The following SIL1 variants were observed in gnomAD, a reference collection of about 807,000 sequenced individuals.
The protein encoded by SIL1 is nucleotide exchange factor SIL1.
In SIL1, 40 loss-of-function variants were observed where a neutral mutation model predicts 49.1. That is an observed-to-expected ratio of 0.81 (90% CI 0.63 to 1.06). The LOEUF (loss-of-function observed/expected upper bound fraction) is 1.06. Among genes scored for constraint, SIL1 ranks in the 50% least tolerant of loss-of-function variants. The pLI, the probability that SIL1 is intolerant of heterozygous loss-of-function variation, is 0.00. For missense variants in SIL1, 500 were observed against 572.6 expected, an observed-to-expected ratio of 0.87 and a Z score of 1.29; for synonymous variants, 253 against 250.8, an observed-to-expected ratio of 1.01 and a Z score of -0.08.
At chr5:138,990,399 G>A (rs1561817791) in intron 7 of SIL1, among the ~76,000 whole-genome samples, 1 of 152,140 alleles carries the variant, frequency 6.6e-6, no homozygotes, top group Non-Finnish European at 1.5e-5. Flanking sequence ...AACCTGGGGA[G>A]GACTGCTGGG....
chr5:139,048,603 CA>C (rs1405357398), intron 4 of SIL1, among the ~76,000 whole-genome samples: 7 of 152,050 alleles, frequency 4.6e-5, no homozygotes, highest in Non-Finnish European at 8.8e-5. Context: ...ATCCTAGGCT[CA>C]AACGATCCAC....
rs1340534524 is a variant in SIL1 at position 139,026,876 on chromosome 5, G to A, written c.570C>T (p.Asn190=). The A allele has an allele frequency of 6.2e-7, 1 of 1,614,212 alleles. No homozygotes were observed. The highest frequency in any genetic ancestry group is 1.7e-5 in the Admixed American group (1 of 60,024). The part of the protein sequence containing the change: ...TDMQIMVRLI[N]KFNSSSSSLE... Reference sequence around the variant, plus strand: ...AACTGGAGCTGGAACTATTGAACTTGTTGATCAGCCGTACCATGATCTGCA... The same window carrying A: ...AACTGGAGCTGGAACTATTGAACTTATTGATCAGCCGTACCATGATCTGCA... The change falls in exon 6 of 10, where the codon AAC becomes AAT. Residue 190 remains asparagine, a synonymous_variant. Coordinates refer to ENST00000394817, the MANE Select transcript of SIL1 (RefSeq NM_022464.5).
chr5:139,186,279 A>G (rs554283402), intron 1 of SIL1, among the ~76,000 whole-genome samples: 1 of 152,358 alleles, frequency 6.6e-6, no homozygotes, highest in East Asian at 1.9e-4. Flanking sequence ...AGATTAAGTC[A>G]CTACCCACAG....
At chr5:139,197,367 G>C (rs892934039) in intron 1 of SIL1, among the ~76,000 whole-genome samples, 1 of 151,638 alleles carries the variant, frequency 6.6e-6, no homozygotes, top group African/African-American at 2.4e-5. Flanking sequence ...CTTAGTTTGG[G>C]TTAACTTAAC....
At chr5:139,142,098 A>G (rs1446602565) in intron 1 of SIL1, among the ~76,000 whole-genome samples, 1 of 152,232 alleles carries the variant, frequency 6.6e-6, no homozygotes, top group East Asian at 1.9e-4. Flanking sequence ...GGCGGCCAAG[A>G]TGGAAGTGTC....
intron 7 of SIL1, among the ~76,000 whole-genome samples, chr5:138,969,958 C>A (rs114415638): frequency 3.9e-4 from 59 of 152,310 alleles, no homozygotes; most frequent in African/African-American, 1.4e-3. Context: ...CACAAGGGGA[C>A]AGCTTGATCT....
intron 3 of SIL1, among the ~76,000 whole-genome samples, chr5:139,075,249 C>T (rs1381953616): frequency 6.6e-6 from 1 of 152,168 alleles, no homozygotes; most frequent in African/African-American, 2.4e-5. Flanking sequence ...CCTAACCAAC[C>T]TGGACAGGGT....
chr5:138,992,903 T>A (rs1767788270), intron 7 of SIL1, among the ~76,000 whole-genome samples: 1 of 151,946 alleles, frequency 6.6e-6, no homozygotes, highest in Admixed American at 6.6e-5. Flanking sequence ...TAAAAAAATA[T>A]AAATAAATAA....
At chr5:139,094,602 C>A (rs1196238156) in intron 3 of SIL1, among the ~76,000 whole-genome samples, 1 of 152,198 alleles carries the variant, frequency 6.6e-6, no homozygotes, top group Non-Finnish European at 1.5e-5. Flanking sequence ...TTTGGACTTA[C>A]AGAAAACTCA....
At chr5:138,951,693 C>T in intron 8 of SIL1, 95 bp downstream of exon 8, 1 of 1,178,770 alleles carries the variant, frequency 8.5e-7, no homozygotes, top group South Asian at 1.2e-5. Context: ...GCTCAGGCCC[C>T]CATGGTAACA....
At chr5:139,074,508 G>A (rs1158275908) in intron 3 of SIL1, among the ~76,000 whole-genome samples, 1 of 152,186 alleles carries the variant, frequency 6.6e-6, no homozygotes, top group Admixed American at 6.5e-5. Context: ...GGCTTTACAA[G>A]GAAATGGTCC....
chr5:139,179,122 T>G (rs1751937275), intron 1 of SIL1, among the ~76,000 whole-genome samples: 1 of 152,230 alleles, frequency 6.6e-6, no homozygotes, highest in Non-Finnish European at 1.5e-5. Context: ...TCACCTTGTC[T>G]GAGTGCTCCA....
At chr5:139,112,520 G>A (rs1378068440) in intron 3 of SIL1, among the ~76,000 whole-genome samples, 5 of 145,170 alleles carry the variant, frequency 3.4e-5, no homozygotes, top group African/African-American at 5.2e-5. Flanking sequence ...GGTGAGGAGC[G>A]CCTCTGCCCG....
At chr5:139,171,667 C>G (rs1347392811) in intron 1 of SIL1, among the ~76,000 whole-genome samples, 1 of 150,574 alleles carries the variant, frequency 6.6e-6, no homozygotes, top group Non-Finnish European at 1.5e-5. Context: ...GCCAACTCCC[C>G]CTCTGCGAGA....
chr5:139,133,618 T>A (rs917908085), intron 1 of SIL1: 1 of 152,254 alleles, frequency 6.6e-6, no homozygotes, highest in Non-Finnish European at 1.5e-5. Flanking sequence ...GCAGGACCCA[T>A]GGGCAGTAGC....
chr5:139,195,886 G>A (rs951355378), intron 1 of SIL1, among the ~76,000 whole-genome samples: 1 of 152,276 alleles, frequency 6.6e-6, no homozygotes. Context: ...CATGCCATTC[G>A]GGGTTAAATA....
intron 1 of SIL1, among the ~76,000 whole-genome samples, chr5:139,169,133 G>T (rs1031767795): frequency 6.6e-6 from 1 of 152,086 alleles, no homozygotes; most frequent in Admixed American, 6.6e-5. Flanking sequence ...CTCCTGATTG[G>T]ACAACATAGC....
In SIL1 at chr5:138,947,152, C is replaced by T. The variant is rs34214251; in HGVS notation, c.1351G>A (p.Gly451Ser). 4.0e-4 allele frequency: 652 copies of T among 1,613,654 alleles called. No homozygotes were observed. In the African/African-American group the frequency reaches 7.4e-3, roughly 18 times the overall value. ...EDEGYFQELL[G>S]SVNSLLKELR ...TCCTTCAGCAAGCTGTTGACAGAGC[C>T]CAGCAGCTCCTGGAAGTAGCCCTCG... Residue 451 changes from glycine to serine, a missense_variant, in exon 10 of 10, where the codon GGC becomes AGC. Gly to Ser is a moderately conservative substitution (Grantham distance 56). Transcript: ENST00000394817. This position sits in a 1 kb window ranked among gnomAD's most constrained non-coding sequence, Gnocchi z 4.1.
At chr5:139,021,078 G>T (rs980873803) in intron 7 of SIL1, 93 bp downstream of exon 7, 2 of 1,548,756 alleles carry the variant, frequency 1.3e-6, no homozygotes, top group Non-Finnish European at 1.8e-6. Context: ...ACACTGAAAT[G>T]TCAGTAGCAA....
Sources: allele counts gnomAD v4.1 joint callset (sites outside exome capture counted in the v4.1 genomes callset), GRCh38; gene constraint gnomAD v4.1.1; non-coding constraint Gnocchi (gnomAD v3.1); transcripts MANE v1.5; gene names NCBI Gene and HGNC (gene_info 2026-07-23, HGNC 2026-07-21).